CFAP299: variants seen among roughly 807,000 people sequenced by gnomAD.
CFAP299 encodes the protein cilia- and flagella-associated protein 299.
Under a neutral mutation model 27.0 loss-of-function variants are expected in CFAP299, and 21 were observed. That is an observed-to-expected ratio of 0.78 (90% CI 0.55 to 1.12). The LOEUF is 1.12. Among genes scored for constraint, CFAP299 ranks in the 50% most tolerant of loss-of-function variants. CFAP299 has a pLI of 0.00. For missense variants in CFAP299, 310 were observed against 276.6 expected, an observed-to-expected ratio of 1.12 and a Z score of -0.86; for synonymous variants, 104 against 98.1, an observed-to-expected ratio of 1.06 and a Z score of -0.36.
chr4:80,705,413 G>A lies in CFAP299; in HGVS notation c.333+122230G>A, dbSNP rs184343509. On this transcript the variant is annotated intron_variant, in intron 3 of 5. Transcript: ENST00000358105. Reference sequence around the variant, plus strand: ...GGTGGATGGATATGATTAAATAAACGTATAAGCTAGCCTAAAAATGTTGCA... The same window carrying A: ...GGTGGATGGATATGATTAAATAAACATATAAGCTAGCCTAAAAATGTTGCA... Among the ~76,000 whole-genome samples the A allele has an allele frequency of 5.1e-3, 768 of 151,884 alleles. 5 individuals are homozygous for A. The highest frequency in any genetic ancestry group is 0.02 in the Middle Eastern group (6 of 294).
At chr4:80,689,223 T>C (rs534805908) in intron 3 of CFAP299, among the ~76,000 whole-genome samples, 1 of 151,956 alleles carries the variant, frequency 6.6e-6, no homozygotes, top group African/African-American at 2.4e-5. Context: ...GAAGAGCAAC[T>C]CCAAGACACA....
At chr4:80,780,668 G>A (rs947064701) in intron 3 of CFAP299, among the ~76,000 whole-genome samples, 2 of 151,812 alleles carry the variant, frequency 1.3e-5, no homozygotes, top group Admixed American at 6.6e-5. Context: ...AAAAAATTTT[G>A]TCTGACTATA....
chr4:80,355,503 G>A (rs1269710343), intron 1 of CFAP299, among the ~76,000 whole-genome samples: 2 of 151,776 alleles, frequency 1.3e-5, no homozygotes, highest in Non-Finnish European at 2.9e-5. Context: ...GATTACAGGC[G>A]CATGCCACCA....
chr4:80,701,135 A>G (rs1472875151), intron 3 of CFAP299, among the ~76,000 whole-genome samples: 3 of 152,044 alleles, frequency 2.0e-5, no homozygotes, highest in Non-Finnish European at 2.9e-5. Flanking sequence ...AGGTTAATGG[A>G]TAAGGATCAT....
chr4:80,590,698 T>G (rs1461638979), intron 3 of CFAP299, among the ~76,000 whole-genome samples: 1 of 152,166 alleles, frequency 6.6e-6, no homozygotes, highest in Admixed American at 6.5e-5. Context: ...AAAATGTTTA[T>G]ATAAAGTTCA....
intron 3 of CFAP299, among the ~76,000 whole-genome samples, chr4:80,590,025 G>A (rs374935735): frequency 3.9e-5 from 6 of 152,070 alleles, no homozygotes; most frequent in Admixed American, 3.3e-4. Flanking sequence ...GCTCATAATA[G>A]CAGCATAACC....
chr4:80,483,819 G>A (rs1730682627), intron 2 of CFAP299, among the ~76,000 whole-genome samples: 1 of 152,046 alleles, frequency 6.6e-6, no homozygotes, highest in Admixed American at 6.6e-5. Context: ...TGAATCTCTT[G>A]TGAAAACATT....
chr4:80,512,040 T>C (rs1398731660), intron 2 of CFAP299, among the ~76,000 whole-genome samples: 1 of 152,164 alleles, frequency 6.6e-6, no homozygotes, highest in Non-Finnish European at 1.5e-5. Context: ...CCGCCTTAAA[T>C]GCTTTCAGTA....
chr4:80,746,229 G>C (rs1724581108), intron 3 of CFAP299, among the ~76,000 whole-genome samples: 1 of 151,874 alleles, frequency 6.6e-6, no homozygotes, highest in Non-Finnish European at 1.5e-5. Flanking sequence ...TTCTACTTTA[G>C]AGAGTGTCGA....
At chr4:80,775,535 G>A (rs1726486898) in intron 3 of CFAP299, among the ~76,000 whole-genome samples, 1 of 151,560 alleles carries the variant, frequency 6.6e-6, no homozygotes, top group African/African-American at 2.4e-5. Context: ...ATCAGTTTGG[G>A]GAGTAAAATG....
chr4:80,718,442 G>A (rs1260737602), intron 3 of CFAP299, among the ~76,000 whole-genome samples: 1 of 152,042 alleles, frequency 6.6e-6, no homozygotes, highest in Non-Finnish European at 1.5e-5. Flanking sequence ...AAACATATGG[G>A]AATTGTGCCT....
intron 3 of CFAP299, among the ~76,000 whole-genome samples, chr4:80,623,786 C>T (rs1036712846): frequency 6.6e-6 from 1 of 152,140 alleles, no homozygotes; most frequent in Non-Finnish European, 1.5e-5. Context: ...CAGCCCCATA[C>T]TCTAGATTAG....
intron 3 of CFAP299, among the ~76,000 whole-genome samples, chr4:80,585,083 A>G (rs914293798): frequency 1.3e-5 from 2 of 152,128 alleles, no homozygotes; most frequent in African/African-American, 2.4e-5. Context: ...TAGAAAGGAT[A>G]AAGCGGATGC....
At position 80,808,648 on chromosome 4, in the gene CFAP299, G is replaced by A. The variant is rs977582223; in HGVS notation, c.334-61345G>A. Among the ~76,000 whole-genome samples the A allele has an allele frequency of 2.0e-5, 3 of 151,978 alleles. No homozygotes were observed. The East Asian group carries it at 5.8e-4, about 29-fold the overall frequency. The stretch of plus-strand genomic sequence containing the variant: ...TCCTTTTTATCTTTTCATAAAATAG[G>A]CATTTCAAAAACTACTAACCTGCTA... On this transcript the variant is annotated intron_variant, in intron 3 of 5. Transcript: ENST00000358105.
intron 4 of CFAP299, among the ~76,000 whole-genome samples, chr4:80,893,654 T>C (rs1452719329): frequency 2.7e-5 from 4 of 147,538 alleles, no homozygotes; most frequent in Non-Finnish European, 5.9e-5. Context: ...AAAAACTAAA[T>C]GAATACATGC....
intron 3 of CFAP299, among the ~76,000 whole-genome samples, chr4:80,696,461 A>G (rs886152841): frequency 1.3e-5 from 2 of 152,176 alleles, no homozygotes; most frequent in African/African-American, 4.8e-5. Flanking sequence ...TTTAAAAGTG[A>G]TAGATGGCAA....
At chr4:80,864,572 T>C (rs1732608304) in intron 3 of CFAP299, among the ~76,000 whole-genome samples, 1 of 149,244 alleles carries the variant, frequency 6.7e-6, no homozygotes, top group Non-Finnish European at 1.5e-5. Context: ...ACTAAAACGT[T>C]TGTTTCAATT....
intron 3 of CFAP299, among the ~76,000 whole-genome samples, chr4:80,740,203 T>C (rs529002877): frequency 3.5e-4 from 54 of 152,326 alleles, no homozygotes; most frequent in South Asian, 8.3e-4. Flanking sequence ...TTCTGTATGG[T>C]GTTGACACTT....
chr4:80,444,540 A>G (rs1260960299), intron 2 of CFAP299, among the ~76,000 whole-genome samples: 2 of 152,226 alleles, frequency 1.3e-5, no homozygotes, highest in South Asian at 2.1e-4. Context: ...AAGATGGATT[A>G]AAGACTTAAA....
Sources: allele counts gnomAD v4.1 joint callset (sites outside exome capture counted in the v4.1 genomes callset), GRCh38; gene constraint gnomAD v4.1.1; transcripts MANE v1.5; gene names NCBI Gene and HGNC (gene_info 2026-07-23, HGNC 2026-07-21).